PI4K2B: variants seen among roughly 807,000 people sequenced by gnomAD.
The protein encoded by PI4K2B is phosphatidylinositol 4-kinase type 2-beta.
PI4K2B carries 46 observed loss-of-function variants against 56.6 expected under a neutral mutation model. The ratio of observed to expected loss-of-function variants is 0.81; its 90% CI spans 0.64 to 1.04. The LOEUF is 1.04. Among genes scored for constraint, PI4K2B ranks in the 50% least tolerant of loss-of-function variants. The pLI is 0.00. For missense variants in PI4K2B, 556 were observed against 607.7 expected, an observed-to-expected ratio of 0.91 and a Z score of 0.89; for synonymous variants, 211 against 223.8, an observed-to-expected ratio of 0.94 and a Z score of 0.51.
intron 5 of PI4K2B, among the ~76,000 whole-genome samples, chr4:25,259,808 C>A (rs529618717): frequency 6.6e-6 from 1 of 152,304 alleles, no homozygotes; most frequent in African/African-American, 2.4e-5. Context: ...GCCTGCAGGC[C>A]ACGGGTTGGA....
intron 6 of PI4K2B, among the ~76,000 whole-genome samples, chr4:25,261,188 A>G (rs190564210): frequency 6.6e-6 from 1 of 152,154 alleles, no homozygotes; most frequent in Non-Finnish European, 1.5e-5. Context: ...TATTTTACTA[A>G]TTCACTTTCT....
At chr4:25,250,289 T>G (rs1386139453) in intron 1 of PI4K2B, among the ~76,000 whole-genome samples, 1 of 152,038 alleles carries the variant, frequency 6.6e-6, no homozygotes, top group Non-Finnish European at 1.5e-5. Context: ...ATCATGTCCT[T>G]TGCAAGGACA....
rs376282558 is a variant in PI4K2B at position 25,255,280 on chromosome 4, A to G, written c.624+15A>G. Reference sequence around the variant, plus strand: ...CTAAAACAAAGGTAAGCCAGACTTTATTTTTAACCATGGACTTTTAATTTA... The same window carrying G: ...CTAAAACAAAGGTAAGCCAGACTTTGTTTTTAACCATGGACTTTTAATTTA... On this transcript the variant is annotated intron_variant, in intron 3 of 9. Transcript: ENST00000264864. 154 of 1,598,058 alleles carry G rather than the reference A, an allele frequency of 9.6e-5. No individual in the cohort carries two copies. The African/African-American group carries it at 1.6e-3, about 17-fold the overall frequency.
At chr4:25,257,305 TCTCG>T (rs1451986967) in intron 4 of PI4K2B, among the ~76,000 whole-genome samples, 4 of 151,992 alleles carry the variant, frequency 2.6e-5, no homozygotes, top group Non-Finnish European at 5.9e-5. Context: ...GAAGCAATCC[TCTCG>T]CTTTGGCCTC....
chr4:25,259,136 T>G lies in PI4K2B; in HGVS notation c.856T>G (p.Phe286Val). The G allele has an allele frequency of 6.3e-7, 1 of 1,582,936 alleles. No homozygotes were observed. Among genetic ancestry groups the G allele is most frequent in the Non-Finnish European group, 8.7e-7 (1 of 1,152,940 alleles). ...DPLPENIRKQ[F>V]QSQFERLVIL... Reference sequence around the variant, plus strand: ...TTTGCCTGAGAATATTAGAAAACAATTTCAGTCACAATTTGAAAGATTAGT... The same window carrying G: ...TTTGCCTGAGAATATTAGAAAACAAGTTCAGTCACAATTTGAAAGATTAGT... Residue 286 changes from phenylalanine (F) to valine (V), a missense_variant, in exon 5 of 10, where the codon TTT (phenylalanine) becomes GTT (valine). Physicochemically the swap from Phe to Val is conservative, Grantham distance 50. Coordinates refer to ENST00000264864, the MANE Select transcript of PI4K2B (RefSeq NM_018323.4).
At chr4:25,247,520 C>T (rs763950457) in intron 1 of PI4K2B, among the ~76,000 whole-genome samples, 1 of 152,174 alleles carries the variant, frequency 6.6e-6, no homozygotes, top group Non-Finnish European at 1.5e-5. Context: ...GTCAAACAAA[C>T]GGTCCTAACA....
At chr4:25,268,194 T>G (rs1716735635) in intron 7 of PI4K2B, among the ~76,000 whole-genome samples, 1 of 152,220 alleles carries the variant, frequency 6.6e-6, no homozygotes. Flanking sequence ...TAGAGCTATT[T>G]GAGATAGATT....
chr4:25,256,636 G>A lies in PI4K2B; in HGVS notation c.718G>A (p.Val240Met). ...KKYALEKVPKVGRKFHRIGLP... is the reference protein window; with the variant it reads ...KKYALEKVPKMGRKFHRIGLP... ...GTATGCTTTAGAAAAAGTGCCAAAA[G>A]TGGGTAGAAAGTTTCATAGGATAGG... is the stretch of plus-strand genomic sequence containing the variant. The change falls in exon 4 of 10, where the codon GTG (valine) becomes ATG (methionine). Residue 240 changes from valine (V) to methionine (M), a missense_variant. By Grantham distance (21) the Val-to-Met change is conservative (BLOSUM62 1). Transcript: ENST00000264864. 6.2e-7 allele frequency: 1 copy of A among 1,613,916 alleles called. No individual in the cohort carries two copies. Among genetic ancestry groups the A allele is most frequent in the Non-Finnish European group, 8.5e-7 (1 of 1,179,930 alleles).
At chr4:25,276,815 G>A in intron 9 of PI4K2B, 199 bp from the exon 10 acceptor site, 1 of 797,968 alleles carries the variant, frequency 1.3e-6, no homozygotes, top group African/African-American at 1.9e-5. Flanking sequence ...GTGTGTGTGT[G>A]TGCGCGTGTG....
intron 1 of PI4K2B, among the ~76,000 whole-genome samples, chr4:25,247,818 C>G (rs1448557187): frequency 2.0e-5 from 3 of 152,160 alleles, no homozygotes; most frequent in African/African-American, 7.2e-5. Flanking sequence ...ATCCTCCCAC[C>G]TTAGCCTCTT....
intron 9 of PI4K2B, among the ~76,000 whole-genome samples, chr4:25,273,669 C>T (rs1035424548): frequency 6.6e-6 from 1 of 152,236 alleles, no homozygotes; most frequent in Non-Finnish European, 1.5e-5. Context: ...CTTATCATCT[C>T]TCCTCTGGAT....
At chr4:25,250,519 C>T (rs1400088666) in intron 1 of PI4K2B, 2 of 152,126 alleles carry the variant, frequency 1.3e-5, no homozygotes, top group African/African-American at 4.8e-5. Flanking sequence ...TAGTGATTAC[C>T]TGGGTGATTG....
In PI4K2B at chr4:25,277,936, T is replaced by A. The variant is rs927895480; in HGVS notation, c.*749T>A. 6 of 152,192 alleles carry A rather than the reference T, an allele frequency of 3.9e-5. No individual in the cohort carries two copies. Among genetic ancestry groups the A allele is most frequent in the Admixed American group, 3.9e-4 (6 of 15,278 alleles). The allele number at this position is 152,192 out of a possible 1,614,324, so 9.4% of individuals were successfully genotyped here. On this transcript the variant is annotated 3_prime_UTR_variant, in exon 10 of 10. Coordinates refer to ENST00000264864, the MANE Select transcript of PI4K2B (RefSeq NM_018323.4). Reference sequence around the variant, plus strand: ...CAAAATTGCCTTAAAAATTCCCTTCTGTTTCTTACATGGGATCAAATACTT... The same window carrying A: ...CAAAATTGCCTTAAAAATTCCCTTCAGTTTCTTACATGGGATCAAATACTT...
At chr4:25,276,807 G>A (rs1269557587) in intron 9 of PI4K2B, 4 of 923,312 alleles carry the variant, frequency 4.3e-6, no homozygotes, top group East Asian at 2.4e-4. Flanking sequence ...AATTGTGTGT[G>A]TGTGTGTGTG....
chr4:25,269,942 T>C (rs1019713818), intron 9 of PI4K2B, among the ~76,000 whole-genome samples: 5 of 151,992 alleles, frequency 3.3e-5, no homozygotes, highest in African/African-American at 1.2e-4. Context: ...GGTCTCGATC[T>C]CCTGACCTCG....
chr4:25,242,040 C>T (rs1019429475), intron 1 of PI4K2B, among the ~76,000 whole-genome samples: 3 of 152,166 alleles, frequency 2.0e-5, no homozygotes, highest in Non-Finnish European at 4.4e-5. Context: ...TTCCAAGGAA[C>T]CCACTTAACT....
rs1476944015 is a variant in PI4K2B at position 25,234,279 on chromosome 4, G to A, written c.116G>A (p.Arg39Gln). Residue 39 changes from arginine to glutamine, a missense_variant, in exon 1 of 10, where the codon CGG (arginine) becomes CAG (glutamine). Coordinates refer to ENST00000264864, the MANE Select transcript of PI4K2B (RefSeq NM_018323.4). ...LLPRIAWAHP[R>Q]RGAPGSAVRL... ...CCGCGGATCGCCTGGGCCCACCCGCGGAGAGGCGCCCCAGGCAGCGCCGTG... is the reference window on the plus strand; with the variant it reads ...CCGCGGATCGCCTGGGCCCACCCGCAGAGAGGCGCCCCAGGCAGCGCCGTG... 1 of 1,421,412 alleles carries A rather than the reference G, an allele frequency of 7.0e-7. No individual in the cohort carries two copies. The highest frequency in any genetic ancestry group is 1.4e-5 in the South Asian group (1 of 71,664). The allele number at this position is 1,421,412 out of a possible 1,614,324, so 88.0% of individuals were successfully genotyped here.
intron 1 of PI4K2B, among the ~76,000 whole-genome samples, chr4:25,245,505 G>A (rs1346522493): frequency 1.3e-5 from 2 of 152,130 alleles, no homozygotes; most frequent in African/African-American, 4.8e-5. Context: ...CCTCGGCTCA[G>A]CCCAAAAGTA....
intron 9 of PI4K2B, among the ~76,000 whole-genome samples, chr4:25,269,802 C>CT (rs1183162189): frequency 6.6e-6 from 1 of 151,736 alleles, no homozygotes; most frequent in East Asian, 2.0e-4. Flanking sequence ...CAAGCTCCGC[C>CT]TCCCAGGTTC....
Sources: gnomAD v4.1 joint callset for allele counts (sites outside exome capture counted in the v4.1 genomes callset) on GRCh38, gnomAD v4.1.1 for gene constraint, MANE v1.5 for transcripts, NCBI Gene and HGNC (gene_info 2026-07-23, HGNC 2026-07-21) for gene names.